NEBL: variants seen among roughly 807,000 people sequenced by gnomAD.
The protein encoded by NEBL is LIM and SH3 protein 2.
In NEBL, 122 loss-of-function variants were observed where a neutral mutation model predicts 140.2. The ratio of observed to expected loss-of-function variants is 0.87; its 90% CI spans 0.75 to 1.01. The LOEUF (loss-of-function observed/expected upper bound fraction) is 1.01, where lower values mean the gene tolerates loss of function less well. Among genes scored for constraint, NEBL ranks in the 50% least tolerant of loss-of-function variants. NEBL has a pLI of 0.00. For missense variants in NEBL, 1,365 were observed against 1,231.3 expected (o/e 1.11, Z -1.62); for synonymous variants, 436 against 398.9 (o/e 1.09, Z -1.11).
chr10:21,219,911 A>ATTTT (rs1842043665), intron 3 of NEBL, among the ~76,000 whole-genome samples: 1 of 147,518 alleles, frequency 6.8e-6, no homozygotes, highest in Admixed American at 6.7e-5. Flanking sequence ...AATGCTATTA[A>ATTTT]TTTTTGTTTG....
chr10:21,223,510 T>C (rs543699077), intron 3 of NEBL, among the ~76,000 whole-genome samples: 3 of 152,358 alleles, frequency 2.0e-5, no homozygotes, highest in African/African-American at 7.2e-5. Flanking sequence ...GCAATAAACA[T>C]GGAGTGCAGA....
chr10:20,870,628 C>T (rs1268269955), intron 5 of NEBL, among the ~76,000 whole-genome samples: 1 of 152,180 alleles, frequency 6.6e-6, no homozygotes, highest in African/African-American at 2.4e-5. Context: ...TTTGCCCTTT[C>T]AACTACACAC....
At chr10:21,202,567 A>G (rs945238665) in intron 3 of NEBL, among the ~76,000 whole-genome samples, 4 of 141,762 alleles carry the variant, frequency 2.8e-5, no homozygotes, top group Admixed American at 2.3e-4. Context: ...TGTTGACGCC[A>G]TTCTCCTGCC....
chr10:20,954,552 G>A (rs537507365), intron 4 of NEBL, among the ~76,000 whole-genome samples: 8 of 152,272 alleles, frequency 5.3e-5, no homozygotes, highest in African/African-American at 1.2e-4. Context: ...ATTCAGGCTC[G>A]CAGACAATTT....
At chr10:20,796,605 T>C (rs555294677) in intron 26 of NEBL, among the ~76,000 whole-genome samples, 1 of 152,256 alleles carries the variant, frequency 6.6e-6, no homozygotes, top group African/African-American at 2.4e-5. Flanking sequence ...AACCATAATA[T>C]GGTTTAAATA....
intron 4 of NEBL, among the ~76,000 whole-genome samples, chr10:20,931,228 A>G (rs921872775): frequency 6.6e-6 from 1 of 152,196 alleles, no homozygotes; most frequent in African/African-American, 2.4e-5. Flanking sequence ...CAATCCTTCT[A>G]AACAGCTGGT....
At chr10:20,892,020 GATTGCTATAT>G (rs1847076740) in intron 2 of NEBL, among the ~76,000 whole-genome samples, 1 of 152,138 alleles carries the variant, frequency 6.6e-6, no homozygotes, top group Non-Finnish European at 1.5e-5. Flanking sequence ...TCACTGAATA[GATTGCTATAT>G]TTTATTACAG....
intron 3 of NEBL, among the ~76,000 whole-genome samples, chr10:21,005,868 T>C (rs978178161): frequency 6.6e-6 from 1 of 152,122 alleles, no homozygotes; most frequent in African/African-American, 2.4e-5. Flanking sequence ...CAATCTTTTT[T>C]TTCCTTTATT....
chr10:21,172,875 G>T (rs931607362), intron 1 of NEBL, among the ~76,000 whole-genome samples: 3 of 152,174 alleles, frequency 2.0e-5, no homozygotes, highest in Non-Finnish European at 2.9e-5. Context: ...CAATAAATAT[G>T]TGTTCACCCG....
At position 21,071,013 on chromosome 10, in the gene NEBL, C is replaced by CA. The variant is rs111613814; in HGVS notation, c.165-50813dup. On this transcript the variant is annotated intron_variant, in intron 2 of 6. Transcript: ENST00000417816. ...GCAACATAGCAACACTCTGCCTCTA[C>CA]AAAAAAAAAAGGAGCCAGGTGTGGT... Among the ~76,000 whole-genome samples the CA allele has an allele frequency of 4.7e-3, 669 of 143,402 alleles. 4 individuals are homozygous for CA. The highest frequency in any genetic ancestry group is 0.015 in the African/African-American group (591 of 39,228). 94.1% of individuals were successfully genotyped at this position (143,402 alleles called of 152,430 possible).
chr10:21,033,702 T>G (rs1833889855), intron 2 of NEBL, among the ~76,000 whole-genome samples: 1 of 147,788 alleles, frequency 6.8e-6, no homozygotes, highest in South Asian at 2.1e-4. Context: ...ATTGCACCAC[T>G]GCACTCCAGC....
chr10:21,027,368 C>G (rs2131792761), intron 2 of NEBL, among the ~76,000 whole-genome samples: 1 of 151,380 alleles, frequency 6.6e-6, no homozygotes, highest in East Asian at 1.9e-4. Context: ...CACTCTGTCA[C>G]CTAGGCTGAA....
intron 2 of NEBL, among the ~76,000 whole-genome samples, chr10:21,160,181 T>C (rs1402464610): frequency 6.6e-6 from 1 of 151,822 alleles, no homozygotes; most frequent in Non-Finnish European, 1.5e-5. Context: ...TACTCATCAC[T>C]GTATAAAGAA....
At chr10:20,829,789 A>C (rs1052890981) in intron 16 of NEBL, among the ~76,000 whole-genome samples, 6 of 152,094 alleles carry the variant, frequency 3.9e-5, no homozygotes, top group Non-Finnish European at 7.4e-5. Context: ...CTTCACTCTC[A>C]ATACTTTTAC....
chr10:21,058,190 G>A (rs1286096524), intron 2 of NEBL, among the ~76,000 whole-genome samples: 1 of 152,140 alleles, frequency 6.6e-6, no homozygotes, highest in African/African-American at 2.4e-5. Flanking sequence ...TTTCATTTTG[G>A]TCAGGAGCCA....
intron 2 of NEBL, among the ~76,000 whole-genome samples, chr10:21,135,622 G>C (rs1478582434): frequency 6.6e-6 from 1 of 152,116 alleles, no homozygotes; most frequent in African/African-American, 2.4e-5. Flanking sequence ...AGCTCCTATG[G>C]GTGCACCAAA....
At chr10:21,239,223 G>A (rs139070317) in intron 3 of NEBL, among the ~76,000 whole-genome samples, 143 of 152,180 alleles carry the variant, frequency 9.4e-4, no homozygotes, top group Admixed American at 2.2e-3. Context: ...TCGTCCTGGT[G>A]AGGTGGCAAA....
intron 2 of NEBL, among the ~76,000 whole-genome samples, chr10:21,109,037 T>G (rs900141280): frequency 1.3e-5 from 2 of 152,184 alleles, no homozygotes; most frequent in Non-Finnish European, 2.9e-5. Flanking sequence ...AATGCTATGT[T>G]GAATAGGAGT....
intron 3 of NEBL, among the ~76,000 whole-genome samples, chr10:20,971,597 T>TC (rs1467278521): frequency 1.8e-5 from 1 of 55,534 alleles, no homozygotes; most frequent in African/African-American, 6.9e-5. Context: ...CCCTCCCCCC[T>TC]CCCCCAACCC....
Sources: allele counts gnomAD v4.1 joint callset (sites outside exome capture counted in the v4.1 genomes callset), GRCh38; gene constraint gnomAD v4.1.1; transcripts MANE v1.5; gene names NCBI Gene and HGNC (gene_info 2026-07-23, HGNC 2026-07-21).